The following PTPRT variants were observed in gnomAD, a reference collection of about 807,000 sequenced individuals.
PTPRT encodes protein tyrosine phosphatase receptor type T.
Under a neutral mutation model 176.8 loss-of-function variants are expected in PTPRT, and 56 were observed. The ratio of observed to expected loss-of-function variants is 0.32; its 90% CI spans 0.26 to 0.40. The LOEUF (loss-of-function observed/expected upper bound fraction) is 0.40. Among genes scored for constraint, PTPRT ranks in the 10% least tolerant of loss-of-function variants. The pLI is 1.00. For synonymous variants in PTPRT, 783 were observed against 739.0 expected (o/e 1.06, Z -0.96); for missense variants, 1,540 against 1,908.2 (o/e 0.81, Z 3.60).
Position 42,080,949 on chromosome 20 carries a change from A to G in PTPRT, c.4273-17T>C. The G allele has an allele frequency of 6.4e-7, 1 of 1,570,092 alleles. No homozygotes were observed. The highest frequency in any genetic ancestry group is 1.4e-5 in the African/African-American group (1 of 74,062). ...ATACTGTTCCTGAGAGGCGGAGAGGAGCAGAGGCAGAGAGGGAGAAGAGGA... is the reference window on the plus strand; with the variant it reads ...ATACTGTTCCTGAGAGGCGGAGAGGGGCAGAGGCAGAGAGGGAGAAGAGGA... On this transcript the variant is annotated splice_polypyrimidine_tract_variant and intron_variant, in intron 30 of 30. Transcript: ENST00000373187.
At chr20:43,079,457 C>T (rs376965354) in intron 1 of PTPRT, among the ~76,000 whole-genome samples, 2 of 152,122 alleles carry the variant, frequency 1.3e-5, no homozygotes, top group African/African-American at 4.8e-5. Context: ...TATTATTGCA[C>T]CTATGTTAAA....
chr20:42,120,077 A>G (rs1466321367), intron 19 of PTPRT, 106 bp from the exon 20 acceptor site: 3 of 980,434 alleles, frequency 3.1e-6, no homozygotes, highest in East Asian at 2.7e-5. Flanking sequence ...CATGGGCAAA[A>G]TGAGAACAGC....
intron 6 of PTPRT, among the ~76,000 whole-genome samples, chr20:42,748,813 C>A (rs1208515844): frequency 2.0e-5 from 3 of 152,012 alleles, no homozygotes; most frequent in African/African-American, 4.8e-5. Context: ...GTACAAATAA[C>A]CCCCTCCTCC....
intron 7 of PTPRT, among the ~76,000 whole-genome samples, chr20:42,643,797 G>C (rs139375754): frequency 3.6e-4 from 54 of 152,024 alleles, no homozygotes; most frequent in African/African-American, 1.3e-3. Context: ...TGCTTTATAC[G>C]ACTGGTTGCA....
At chr20:43,022,592 G>A (rs1985733009) in intron 1 of PTPRT, among the ~76,000 whole-genome samples, 1 of 152,188 alleles carries the variant, frequency 6.6e-6, no homozygotes, top group Admixed American at 6.5e-5. Context: ...AGAGGGGGCT[G>A]ATTCCAAGAG....
chr20:42,196,850 C>T (rs921077977), intron 16 of PTPRT, among the ~76,000 whole-genome samples: 8 of 152,276 alleles, frequency 5.3e-5, no homozygotes, highest in Non-Finnish European at 8.8e-5. Flanking sequence ...TCAGTATGTG[C>T]CATTAGACTT....
At chr20:42,655,308 T>C (rs759384436) in intron 7 of PTPRT, among the ~76,000 whole-genome samples, 1 of 152,106 alleles carries the variant, frequency 6.6e-6, no homozygotes, top group Non-Finnish European at 1.5e-5. Context: ...TGGCCAAACA[T>C]GGTGAAACCT....
At chr20:42,760,380 CTTTTT>C (rs754362528) in intron 5 of PTPRT, among the ~76,000 whole-genome samples, 15,823 of 93,432 alleles carry the variant, frequency 0.17, 1,103 homozygotes, top group Middle Eastern at 0.22. Context: ...TCTAAATCTG[CTTTTT>C]TTTTTTTTTT....
chr20:42,404,863 A>T lies in PTPRT; in HGVS notation c.1560+43357T>A, dbSNP rs1376627939. 2.6e-5 allele frequency among the ~76,000 whole-genome samples: 4 copies of T among 151,654 alleles called. No individual in the cohort carries two copies. In the East Asian group the frequency reaches 7.7e-4, roughly 29 times the overall value. On this transcript the variant is annotated intron_variant, in intron 9 of 30. Coordinates refer to ENST00000373187, the MANE Select transcript of PTPRT (RefSeq NM_007050.6). ...AGCCAAAGATATAAAACAAAATTGG[A>T]TAAAAACAACTGAAGTATGAGATTT...
At position 42,074,572 on chromosome 20, in the gene PTPRT, C is replaced by A. The variant is rs1446159347; in HGVS notation, c.*6307G>T. On this transcript the variant is annotated 3_prime_UTR_variant, in exon 31 of 31. Coordinates refer to ENST00000373187, the MANE Select transcript of PTPRT (RefSeq NM_007050.6). ...AGAAGGAAGCCCCATAATGATCAAG[C>A]CCCTAAAACTCTTCCCAATAGATTT... 5 of 389,636 alleles carry A rather than the reference C, an allele frequency of 1.3e-5. No homozygotes were observed. In the Admixed American group the frequency reaches 1.8e-4, roughly 14 times the overall value. The allele number at this position is 389,636 out of a possible 1,614,324, so 24.1% of individuals were successfully genotyped here. A position where few individuals can be genotyped will look rare whatever the true frequency, so the allele number is the denominator to read the frequency against.
At chr20:42,441,534 G>A (rs2059315913) in intron 9 of PTPRT, among the ~76,000 whole-genome samples, 1 of 152,158 alleles carries the variant, frequency 6.6e-6, no homozygotes, top group Non-Finnish European at 1.5e-5. Context: ...CGAGGAACAG[G>A]ATCAGATTTA....
intron 1 of PTPRT, among the ~76,000 whole-genome samples, chr20:43,146,806 A>G (rs1249901713): frequency 6.6e-6 from 1 of 152,136 alleles, no homozygotes; most frequent in Non-Finnish European, 1.5e-5. Flanking sequence ...AAAACCTTCC[A>G]GAGCTGCCCC....
the PTPRT span, among the ~76,000 whole-genome samples, chr20:42,039,159 A>G: frequency 6.6e-6 from 1 of 152,258 alleles, no homozygotes; most frequent in Middle Eastern, 3.4e-3. Flanking sequence ...TTACATGCAA[A>G]GTGCTTTCTT....
chr20:42,633,985 TTATATTATA>T (rs1239724299), intron 7 of PTPRT, among the ~76,000 whole-genome samples: 2,318 of 28,830 alleles, frequency 0.08, 223 homozygotes, highest in Non-Finnish European at 0.095. Context: ...ATATTATATA[TTATATTATA>T]TATATTATAT....
intron 7 of PTPRT, among the ~76,000 whole-genome samples, chr20:42,649,867 C>T: frequency 6.6e-6 from 1 of 152,162 alleles, no homozygotes; most frequent in East Asian, 1.9e-4. Flanking sequence ...CTTGCCTTAG[C>T]TCCTGGATGC....
At chr20:42,532,274 T>C (rs1274267137) in intron 7 of PTPRT, among the ~76,000 whole-genome samples, 2 of 152,160 alleles carry the variant, frequency 1.3e-5, no homozygotes, top group Non-Finnish European at 2.9e-5. Context: ...TAGGGCTGTT[T>C]GTGAGGCTGA....
chr20:42,606,906 A>C (rs2073887085), intron 7 of PTPRT: 2 of 152,218 alleles, frequency 1.3e-5, no homozygotes, highest in South Asian at 4.1e-4. Context: ...GCTATTCATC[A>C]TAGCTAAATT....
At chr20:42,111,704 C>G (rs561386335) in intron 22 of PTPRT, among the ~76,000 whole-genome samples, 21 of 152,148 alleles carry the variant, frequency 1.4e-4, no homozygotes, top group Non-Finnish European at 2.6e-4. Context: ...TTTGATGGAT[C>G]AGGAAACTGA....
chr20:42,674,962 G>T (rs1328358317), intron 7 of PTPRT, among the ~76,000 whole-genome samples: 4 of 151,308 alleles, frequency 2.6e-5, no homozygotes, highest in African/African-American at 9.9e-5. Flanking sequence ...TTCTGCATTT[G>T]CTTATGTGTG....
Sources: allele counts gnomAD v4.1 joint callset (sites outside exome capture counted in the v4.1 genomes callset), GRCh38; gene constraint gnomAD v4.1.1; transcripts MANE v1.5; gene names NCBI Gene and HGNC (gene_info 2026-07-23, HGNC 2026-07-21).